SLC27A4: variants seen among roughly 807,000 people sequenced by gnomAD.
The protein encoded by SLC27A4 is solute carrier family 27 member 4.
Under a neutral mutation model 64.4 loss-of-function variants are expected in SLC27A4, and 33 were observed. The observed-to-expected ratio is 0.51, with a 90% CI of 0.39 to 0.68. The LOEUF is 0.68. Ranked by LOEUF, SLC27A4 falls within the 30% of genes least tolerant of loss-of-function variation. The pLI is 0.00. For synonymous variants in SLC27A4, 377 were observed against 370.0 expected, an observed-to-expected ratio of 1.02 and a Z score of -0.22; for missense variants, 824 against 883.5, an observed-to-expected ratio of 0.93 and a Z score of 0.85.
Position 128,360,765 on chromosome 9 carries a change from T to G in SLC27A4, c.*274T>G. On this transcript the variant is annotated 3_prime_UTR_variant, in exon 13 of 13. Coordinates refer to ENST00000300456, the MANE Select transcript of SLC27A4 (RefSeq NM_005094.4). ...ACTGACGGGTTTTCTCAGGATGATG[T>G]CTTGGGTGAGGGTAGGGAGAGGACA... 2.1e-6 allele frequency: 1 copy of G among 485,372 alleles called. No homozygotes were observed. Among genetic ancestry groups the G allele is most frequent in the Non-Finnish European group, 3.8e-6 (1 of 263,648 alleles). The allele number at this position is 485,372 out of a possible 1,614,324, so 30.1% of individuals were successfully genotyped here.
intron 2 of SLC27A4, among the ~76,000 whole-genome samples, chr9:128,343,891 C>T (rs969391064): frequency 2.0e-5 from 3 of 152,226 alleles, no homozygotes; most frequent in African/African-American, 7.2e-5. Context: ...AAGAAAGGGA[C>T]ACAGCACATC....
In SLC27A4 at chr9:128,360,468, C is replaced by T. The variant is rs772477474; in HGVS notation, c.1909C>T (p.Gln637Ter). ...PLDQEAYSRI[Q>*]AGEEKL The stretch of plus-strand genomic sequence containing the variant: ...GGACCAAGAGGCCTACAGCCGCATC[C>T]AGGCAGGCGAGGAGAAGCTGTGATT... The change falls in exon 13 of 13, where the codon CAG (glutamine) becomes TAG (stop). Residue 637 changes from glutamine to a stop codon, truncating the protein, a stop_gained. Coordinates refer to ENST00000300456, the MANE Select transcript of SLC27A4 (RefSeq NM_005094.4). LOFTEE classifies it high-confidence loss of function. 1 of 1,613,966 alleles carries T rather than the reference C, an allele frequency of 6.2e-7. No individual in the cohort carries two copies. Among genetic ancestry groups the T allele is most frequent in the Non-Finnish European group, 8.5e-7 (1 of 1,180,042 alleles).
chr9:128,347,206 C>T (rs1047247914), intron 3 of SLC27A4, among the ~76,000 whole-genome samples: 3 of 152,196 alleles, frequency 2.0e-5, no homozygotes, highest in African/African-American at 4.8e-5. Context: ...ACTGAGGTTG[C>T]TGCTTTCCAA....
At chr9:128,356,707 C>T (rs1456023553) in intron 12 of SLC27A4, among the ~76,000 whole-genome samples, 1 of 150,166 alleles carries the variant, frequency 6.7e-6, no homozygotes, top group African/African-American at 2.5e-5. Flanking sequence ...CTTAGGAGGC[C>T]AAGGTGGGCG....
At chr9:128,352,454 G>A (rs1432747646) in intron 6 of SLC27A4, among the ~76,000 whole-genome samples, 184 bp from the exon 7 acceptor site, 1 of 152,192 alleles carries the variant, frequency 6.6e-6, no homozygotes, top group Non-Finnish European at 1.5e-5. Context: ...GCAGCACCAG[G>A]GAAGAGCCTG....
intron 2 of SLC27A4, among the ~76,000 whole-genome samples, chr9:128,344,700 T>G (rs1268394422): frequency 6.6e-6 from 1 of 152,138 alleles, no homozygotes; most frequent in African/African-American, 2.4e-5. Context: ...AACTCATTCA[T>G]TATTTACTGT....
At chr9:128,352,002 C>T (rs1428416354) in intron 6 of SLC27A4, among the ~76,000 whole-genome samples, 6 of 148,640 alleles carry the variant, frequency 4.0e-5, no homozygotes, top group Admixed American at 6.8e-5. Flanking sequence ...CTGGCTAACA[C>T]GATGAAACCC....
Position 128,355,729 on chromosome 9 carries a change from G to A in SLC27A4, c.1707G>A (p.Leu569=). The A allele has an allele frequency of 6.2e-7, 1 of 1,613,726 alleles. No homozygotes were observed. Residue 569 remains leucine, a synonymous_variant, in exon 12 of 13, where the codon TTG becomes TTA. Coordinates refer to ENST00000300456, the MANE Select transcript of SLC27A4 (RefSeq NM_005094.4). ...ACCTGGAGCGCTTTGCTCAGGTCTT[G>A]GAGAAGGAACTGCCCCTGTATGCGC... is the stretch of plus-strand genomic sequence containing the variant. ...NCDLERFAQV[L]EKELPLYARP... is the part of the protein sequence containing the mutation.
chr9:128,349,685 G>A (rs1043653829), intron 4 of SLC27A4, among the ~76,000 whole-genome samples: 3 of 152,138 alleles, frequency 2.0e-5, no homozygotes, highest in Admixed American at 6.5e-5. Flanking sequence ...CTAAACACGT[G>A]GAGTCTGCCT....
chr9:128,344,838 A>T (rs1333663436), intron 2 of SLC27A4, among the ~76,000 whole-genome samples: 1 of 152,162 alleles, frequency 6.6e-6, no homozygotes, highest in Non-Finnish European at 1.5e-5. Context: ...GTAGGAGTAG[A>T]ACTCTGGAGC....
At chr9:128,342,340 CAGG>C (rs1322214698) in intron 1 of SLC27A4, 2 of 1,611,792 alleles carry the variant, frequency 1.2e-6, no homozygotes, top group African/African-American at 1.3e-5. Flanking sequence ...AACGATTGAA[CAGG>C]AGAAGCAAGC....
intron 3 of SLC27A4, among the ~76,000 whole-genome samples, chr9:128,346,160 C>G (rs1832653257): frequency 6.6e-6 from 1 of 152,118 alleles, no homozygotes; most frequent in African/African-American, 2.4e-5. Flanking sequence ...CTCTGCCTCT[C>G]AAAGTGCTGG....
intron 2 of SLC27A4, 112 bp downstream of exon 2, chr9:128,343,405 G>A: frequency 1.5e-6 from 2 of 1,308,218 alleles, no homozygotes; most frequent in South Asian, 1.2e-5. Context: ...GGGCAGCTGA[G>A]CTGAGTTCCA....
intron 12 of SLC27A4, among the ~76,000 whole-genome samples, chr9:128,358,618 A>AT (rs916207499): frequency 3.3e-5 from 5 of 151,506 alleles, no homozygotes; most frequent in South Asian, 2.1e-4. Context: ...TAATTTTTGT[A>AT]TTTTTTTTAT....
chr9:128,354,918 A>T (rs1026532779), intron 9 of SLC27A4, 135 bp from the exon 10 acceptor site: 36 of 940,744 alleles, frequency 3.8e-5, no homozygotes, highest in Middle Eastern at 3.5e-4. Flanking sequence ...GCACTGCTGC[A>T]CTCCAGCCTG....
At chr9:128,355,323 G>A in intron 10 of SLC27A4, 75 bp from the exon 11 acceptor site, 1 of 1,605,768 alleles carries the variant, frequency 6.2e-7, no homozygotes, top group Non-Finnish European at 8.5e-7. Flanking sequence ...TTGGGCTCCA[G>A]CAAAGCCTCC....
chr9:128,343,083 G>A, intron 1 of SLC27A4, 44 bp from the exon 2 acceptor site: 1 of 1,610,058 alleles, frequency 6.2e-7, no homozygotes, highest in East Asian at 2.2e-5. Context: ...TAGGAGACCT[G>A]GAGGGTTGGG....
intron 3 of SLC27A4, among the ~76,000 whole-genome samples, chr9:128,346,229 GT>G (rs141240205): frequency 0.035 from 5,190 of 147,818 alleles, 303 homozygotes; most frequent in African/African-American, 0.12. Flanking sequence ...GTTTTTTTTT[GT>G]TTTTTTTGTT....
At position 128,350,594 on chromosome 9, in the gene SLC27A4, C is replaced by G. The variant is rs765673664; in HGVS notation, c.877+19C>G. On this transcript the variant is annotated intron_variant, in intron 6 of 12. Coordinates refer to ENST00000300456, the MANE Select transcript of SLC27A4 (RefSeq NM_005094.4). Reference sequence around the variant, plus strand: ...TCAGCAGGTAACTCTAGGGCTGTCACACAGCCTCCAGCACCTGCCAGGTCT... The same window carrying G: ...TCAGCAGGTAACTCTAGGGCTGTCAGACAGCCTCCAGCACCTGCCAGGTCT... The G allele has an allele frequency of 1.3e-5, 20 of 1,579,478 alleles. 1 individual carries two copies. The South Asian group carries it at 1.8e-4, about 14-fold the overall frequency.
Sources: allele counts gnomAD v4.1 joint callset (sites outside exome capture counted in the v4.1 genomes callset), GRCh38; gene constraint gnomAD v4.1.1; transcripts MANE v1.5; gene names NCBI Gene and HGNC (gene_info 2026-07-23, HGNC 2026-07-21).